The following TNRC6A variants were observed in gnomAD, a reference collection of about 807,000 sequenced individuals.
TNRC6A encodes trinucleotide repeat containing adaptor 6A.
In TNRC6A, 44 loss-of-function variants were observed where a neutral mutation model predicts 221.2. The observed-to-expected ratio is 0.20, with a 90% CI of 0.16 to 0.26. The LOEUF (loss-of-function observed/expected upper bound fraction) is 0.26, where lower values mean the gene tolerates loss of function less well. Among genes scored for constraint, TNRC6A ranks in the 10% least tolerant of loss-of-function variants. The probability of loss-of-function intolerance (pLI) is 1.00; values close to 1 mark genes in which losing one functional copy is unlikely to be tolerated. For missense variants in TNRC6A, 2,199 were observed against 2,404.4 expected, an observed-to-expected ratio of 0.91 and a Z score of 1.79; for synonymous variants, 847 against 838.5, an observed-to-expected ratio of 1.01 and a Z score of -0.18.
chr16:24,785,186 TCCTGATAATGCAGATTC>T (rs1450889267), intron 5 of TNRC6A, among the ~76,000 whole-genome samples: 1 of 152,240 alleles, frequency 6.6e-6, no homozygotes, highest in Non-Finnish European at 1.5e-5. Flanking sequence ...TTCAACTATT[TCCTGATAATGCAGATTC>T]CCTTCTTCAC....
intron 1 of TNRC6A, among the ~76,000 whole-genome samples, chr16:24,619,858 T>C (rs1900571876): frequency 6.6e-6 from 1 of 152,048 alleles, no homozygotes; most frequent in African/African-American, 2.4e-5. Flanking sequence ...AACTAGACAA[T>C]AGGCCAGGTG....
rs777046146 is a variant in TNRC6A at position 24,686,468 on chromosome 16, A to G, written n.402+45459A>G. Among the ~76,000 whole-genome samples, 9 of 152,014 alleles carry G rather than the reference A, an allele frequency of 5.9e-5. No homozygotes were observed. In the South Asian group the frequency reaches 1.5e-3, roughly 25 times the overall value. ...AGGCTGCAGAAACAGAGGCTCACACACATCCCCAATTTGCTAAGAATATTT... is the reference window on the plus strand; with the variant it reads ...AGGCTGCAGAAACAGAGGCTCACACGCATCCCCAATTTGCTAAGAATATTT... On this transcript the variant is annotated intron_variant and non_coding_transcript_variant, in intron 2 of 2. Transcript: ENST00000566108.
chr16:24,797,972 A>G lies in TNRC6A; in HGVS notation c.3694+6A>G. 1 of 1,609,524 alleles carries G rather than the reference A, an allele frequency of 6.2e-7. No homozygotes were observed. The highest frequency in any genetic ancestry group is 8.5e-7 in the Non-Finnish European group (1 of 1,177,466). On this transcript the variant is annotated splice_donor_region_variant and intron_variant, in intron 11 of 24. Coordinates refer to ENST00000395799, the MANE Select transcript of TNRC6A (RefSeq NM_014494.4). ...TAAGATGGACCTTTCTGGAGGTAAG[A>G]GAAAATTAAATCTGTTTATATTCCT...
At position 24,777,054 on chromosome 16, in the gene TNRC6A, ACAGCAGCAGCAGCAACAG is replaced by A; in HGVS notation, c.293_310del (p.Gln98_Gln103del). The A allele has an allele frequency of 6.2e-7, 1 of 1,612,950 alleles. No homozygotes were observed. The highest frequency in any genetic ancestry group is 1.1e-5 in the South Asian group (1 of 91,020). On this transcript the variant is annotated inframe_deletion, in exon 5 of 25. Transcript: ENST00000395799. ...GAGCTACAGCCAACAATCAGCAGCC[ACAGCAGCAGCAGCAACAG>A]CAGCAGCCGCAGCAGCAGCAGCCAC...
chr16:24,818,693 C>T lies in TNRC6A; in HGVS notation c.5073C>T (p.Ser1691=), dbSNP rs1393951231. 6.2e-7 allele frequency: 1 copy of T among 1,613,870 alleles called. No homozygotes were observed. The highest frequency in any genetic ancestry group is 8.5e-7 in the Non-Finnish European group (1 of 1,179,784). ...YNVPLSSTAQ[S]TSARNSDSKL... ...TTCCCCTCAGCAGTACAGCACAAAG[C>T]ACTTCAGGTGGGCCTCGCCTTCGCT... is the stretch of plus-strand genomic sequence containing the variant. Residue 1691 remains serine (S), a synonymous_variant, in exon 21 of 25, where the codon AGC becomes AGT. Transcript: ENST00000395799.
Position 24,797,898 on chromosome 16 carries a change from G to A in TNRC6A, c.3643-17G>A. On this transcript the variant is annotated splice_polypyrimidine_tract_variant and intron_variant, in intron 10 of 24. Coordinates refer to ENST00000395799, the MANE Select transcript of TNRC6A (RefSeq NM_014494.4). ...ATAAATTAAGGTCTGCTAACATGCT[G>A]CATTTTCTTTCTTCAGAGAGACTCA... 1 of 1,598,176 alleles carries A rather than the reference G, an allele frequency of 6.3e-7. No homozygotes were observed. Among genetic ancestry groups the A allele is most frequent in the South Asian group, 1.1e-5 (1 of 87,194 alleles).
chr16:24,759,668 A>G (rs566367550), intron 4 of TNRC6A, among the ~76,000 whole-genome samples: 1 of 152,304 alleles, frequency 6.6e-6, no homozygotes, highest in African/African-American at 2.4e-5. Context: ...TAAGCTGTGG[A>G]AATTTAACTT....
intron 4 of TNRC6A, among the ~76,000 whole-genome samples, chr16:24,773,257 G>A (rs1464138348): frequency 6.6e-6 from 1 of 152,124 alleles, no homozygotes; most frequent in Non-Finnish European, 1.5e-5. Flanking sequence ...AAAATGTATT[G>A]TATGCAGTGT....
At chr16:24,651,683 A>G (rs1902670256) in intron 2 of TNRC6A, among the ~76,000 whole-genome samples, 1 of 149,258 alleles carries the variant, frequency 6.7e-6, no homozygotes, top group African/African-American at 2.5e-5. Flanking sequence ...ACATAGTGAG[A>G]CACCCCCTCC....
chr16:24,822,234 C>A, intron 23 of TNRC6A, 87 bp downstream of exon 23: 1 of 1,345,556 alleles, frequency 7.4e-7, no homozygotes, highest in Non-Finnish European at 1.1e-6. Flanking sequence ...ACAAGGGCTG[C>A]TAGGTGGTAG....
intron 4 of TNRC6A, among the ~76,000 whole-genome samples, chr16:24,762,067 A>G (rs2057375612): frequency 6.6e-6 from 1 of 152,184 alleles, no homozygotes; most frequent in South Asian, 2.1e-4. Context: ...AGTTATGGGA[A>G]GCCCGGGGAG....
intron 1 of TNRC6A, among the ~76,000 whole-genome samples, chr16:24,635,133 T>TCTTTTTCTTTTCTTTCCTTC (rs1901566996): frequency 2.7e-5 from 4 of 150,266 alleles, no homozygotes; most frequent in Non-Finnish European, 4.4e-5. Context: ...TCTTTTTCTT[T>TCTTTTTCTTTTCTTTCCTTC]CTTTTTCTTT....
chr16:24,775,593 A>G (rs2057702364), intron 4 of TNRC6A, among the ~76,000 whole-genome samples: 1 of 152,216 alleles, frequency 6.6e-6, no homozygotes, highest in Non-Finnish European at 1.5e-5. Flanking sequence ...ACATTGTCAT[A>G]TATATTGTAG....
Position 24,637,386 on chromosome 16 carries a change from C to T in TNRC6A, n.277-3498C>T, listed in dbSNP as rs1000689558. 2.6e-5 allele frequency among the ~76,000 whole-genome samples: 4 copies of T among 152,264 alleles called. No homozygotes were observed. In the East Asian group the frequency reaches 5.8e-4, roughly 22 times the overall value. On this transcript the variant is annotated intron_variant and non_coding_transcript_variant, in intron 1 of 2. Transcript: ENST00000566108. ...TGGGCAGCCTGGCGTTCCCTCCACC[C>T]ATGGGCATGCTGGATGCCATGCGGA... is the stretch of plus-strand genomic sequence containing the variant.
intron 2 of TNRC6A, among the ~76,000 whole-genome samples, chr16:24,705,963 G>A (rs1455798416): frequency 6.6e-6 from 1 of 152,092 alleles, no homozygotes; most frequent in African/African-American, 2.4e-5. Flanking sequence ...GAGTACTCCT[G>A]GAAAGTCTCT....
At chr16:24,755,768 G>T (rs1216165416) in intron 3 of TNRC6A, among the ~76,000 whole-genome samples, 4 of 152,186 alleles carry the variant, frequency 2.6e-5, no homozygotes, top group Non-Finnish European at 4.4e-5. Flanking sequence ...GGAGGCAGTT[G>T]TGATCATTGC....
Position 24,804,821 on chromosome 16 carries a change from G to C in TNRC6A, c.3954G>C (p.Leu1318=), listed in dbSNP as rs991251259. The part of the protein sequence containing the change: ...PNQALGSIAG[L]GMQNLNSVRQ... ...AGGCCCTTGGCTCCATAGCAGGGCT[G>C]GGTATGCAAAACTTGAATTCTGTTA... is the stretch of plus-strand genomic sequence containing the variant. Residue 1318 remains leucine, a synonymous_variant, in exon 13 of 25, where the codon CTG becomes CTC. Transcript: ENST00000395799. The C allele has an allele frequency of 6.2e-7, 1 of 1,612,572 alleles. No homozygotes were observed. The highest frequency in any genetic ancestry group is 8.5e-7 in the Non-Finnish European group (1 of 1,179,666).
Position 24,823,684 on chromosome 16 carries a change from G to T in TNRC6A, c.5766G>T (p.Pro1922=), listed in dbSNP as rs767538102. 4.4e-5 allele frequency: 70 copies of T among 1,608,020 alleles called. No individual in the cohort carries two copies. Among genetic ancestry groups the T allele is most frequent in the Non-Finnish European group, 5.6e-5 (66 of 1,176,266 alleles). ...DLHGTSLWGT[P]HYSTSLWGPP... ...ACGGCACTTCACTCTGGGGGACCCCGCATTATTCCACAAGCCTGTGGGGTC... is the reference window on the plus strand; with the variant it reads ...ACGGCACTTCACTCTGGGGGACCCCTCATTATTCCACAAGCCTGTGGGGTC... The change falls in exon 25 of 25, where the codon CCG becomes CCT. Residue 1922 remains proline, a synonymous_variant. Coordinates refer to ENST00000395799, the MANE Select transcript of TNRC6A (RefSeq NM_014494.4). This position sits in a 1 kb window ranked among gnomAD's most constrained non-coding sequence, Gnocchi z 4.3.
chr16:24,642,450 G>C (rs962883838), intron 2 of TNRC6A, among the ~76,000 whole-genome samples: 1 of 152,138 alleles, frequency 6.6e-6, no homozygotes, highest in African/African-American at 2.4e-5. Flanking sequence ...CCCATGCAAG[G>C]CATCAAATAG....
Sources: gnomAD v4.1 joint callset for allele counts (sites outside exome capture counted in the v4.1 genomes callset) on GRCh38, gnomAD v4.1.1 for gene constraint, Gnocchi (gnomAD v3.1) non-coding constraint, MANE v1.5 for transcripts, NCBI Gene and HGNC (gene_info 2026-07-23, HGNC 2026-07-21) for gene names.